The following NEK1 variants were observed in gnomAD, a reference collection of about 807,000 sequenced individuals.
NEK1 encodes serine/threonine-protein kinase Nek1.
In NEK1, 137 loss-of-function variants were observed where a neutral mutation model predicts 182.1. The ratio of observed to expected loss-of-function variants is 0.75; its 90% CI spans 0.65 to 0.87. The LOEUF is 0.87. Among genes scored for constraint, NEK1 ranks in the 40% least tolerant of loss-of-function variants. NEK1 has a pLI of 0.00. For missense variants in NEK1, 1,391 were observed against 1,494.4 expected (o/e 0.93, Z 1.14); for synonymous variants, 513 against 492.2 (o/e 1.04, Z -0.56).
intron 24 of NEK1, 71 bp from the exon 25 acceptor site, chr4:169,477,568 T>C: frequency 1.8e-6 from 2 of 1,125,888 alleles, no homozygotes; most frequent in Non-Finnish European, 2.5e-6. Context: ...AAATATTACA[T>C]CCTCGTTACT....
chr4:169,601,329 T>C (rs1770459861), intron 4 of NEK1, among the ~76,000 whole-genome samples: 1 of 152,156 alleles, frequency 6.6e-6, no homozygotes, highest in African/African-American at 2.4e-5. Context: ...AGAAATTAAG[T>C]TACAGAAATT....
chr4:169,459,058 C>T (rs914492411), intron 27 of NEK1, among the ~76,000 whole-genome samples: 1 of 151,586 alleles, frequency 6.6e-6, no homozygotes, highest in African/African-American at 2.4e-5. Context: ...AAAAAAAACC[C>T]AATCCAAAAC....
At chr4:169,567,127 T>C (rs1042333355) in intron 12 of NEK1, among the ~76,000 whole-genome samples, 24 of 152,160 alleles carry the variant, frequency 1.6e-4, no homozygotes, top group African/African-American at 5.6e-4. Context: ...AAACCTATAT[T>C]TACAATCATG....
intron 34 of NEK1, 75 bp downstream of exon 34, chr4:169,400,446 C>G (rs1442214037): frequency 6.8e-7 from 1 of 1,477,514 alleles, no homozygotes; most frequent in African/African-American, 1.4e-5. Flanking sequence ...ATCTAATGAC[C>G]AATACAGATT....
chr4:169,526,212 AGT>A (rs1416356675), intron 19 of NEK1, among the ~76,000 whole-genome samples: 3 of 152,230 alleles, frequency 2.0e-5, no homozygotes, highest in Non-Finnish European at 4.4e-5. Context: ...GCATGAGACC[AGT>A]CACAATGGGT....
intron 27 of NEK1, among the ~76,000 whole-genome samples, chr4:169,460,538 C>T (rs890443796): frequency 9.9e-5 from 15 of 151,776 alleles, no homozygotes; most frequent in African/African-American, 3.4e-4. Flanking sequence ...AGAGCCAAAC[C>T]ATATCACTAT....
At chr4:169,438,354 C>T (rs955704792) in intron 27 of NEK1, 95 bp from the exon 28 acceptor site, 6 of 856,998 alleles carry the variant, frequency 7.0e-6, no homozygotes, top group Non-Finnish European at 1.1e-5. Flanking sequence ...AGCTGCATTA[C>T]TGCAACAGGC....
chr4:169,576,201 G>A (rs1483556336), intron 12 of NEK1, among the ~76,000 whole-genome samples: 2 of 152,060 alleles, frequency 1.3e-5, no homozygotes, highest in Non-Finnish European at 2.9e-5. Context: ...CTGACCCCAA[G>A]TGACCCACCC....
In NEK1 at chr4:169,569,492, C is replaced by A. The variant is rs186807252; in HGVS notation, c.1021-7296G>T. On this transcript the variant is annotated intron_variant, in intron 12 of 35. Coordinates refer to ENST00000507142, the MANE Select transcript of NEK1 (RefSeq NM_001199397.3). ...CCTCCCTCTCTCCCTCTCTCCCTCT[C>A]CCCATGGTCTCCCTCTCCCTCTCTT... Among the ~76,000 whole-genome samples, 386 of 139,950 alleles carry A rather than the reference C, an allele frequency of 2.8e-3. 4 individuals are homozygous for A. Among genetic ancestry groups the A allele is most frequent in the Middle Eastern group, 3.6e-3 (1 of 280 alleles). The allele number at this position is 139,950 out of a possible 152,430, so 91.8% of individuals were successfully genotyped here.
At chr4:169,556,169 A>ACTGAGCCTCC in intron 16 of NEK1, 74 bp from the exon 17 acceptor site, 1 of 1,364,916 alleles carries the variant, frequency 7.3e-7, no homozygotes, top group South Asian at 1.5e-5. Flanking sequence ...CTCAAAAGAA[A>ACTGAGCCTCC]AAGTAAATTT....
intron 31 of NEK1, among the ~76,000 whole-genome samples, chr4:169,423,046 A>C (rs1432864225): frequency 6.6e-6 from 1 of 152,206 alleles, no homozygotes; most frequent in Non-Finnish European, 1.5e-5. Flanking sequence ...AGCATAAGAA[A>C]ATACTCCACA....
chr4:169,442,052 T>A (rs764569847), intron 27 of NEK1, among the ~76,000 whole-genome samples: 2 of 152,062 alleles, frequency 1.3e-5, no homozygotes, highest in Non-Finnish European at 2.9e-5. Flanking sequence ...CTGGTGCCCA[T>A]GAGTGCTGAT....
intron 23 of NEK1, 129 bp from the exon 24 acceptor site, chr4:169,479,663 T>A (rs1009140881): frequency 9.6e-6 from 7 of 732,912 alleles, no homozygotes; most frequent in Non-Finnish European, 1.5e-5. Flanking sequence ...GAATTATCTG[T>A]TGAGCAAGGC....
At chr4:169,449,246 C>A (rs1741229090) in intron 27 of NEK1, among the ~76,000 whole-genome samples, 2 of 152,224 alleles carry the variant, frequency 1.3e-5, no homozygotes, top group Non-Finnish European at 2.9e-5. Context: ...GAACAAAAGG[C>A]AGCAGACAAT....
chr4:169,599,882 T>G (rs889794895), intron 4 of NEK1, among the ~76,000 whole-genome samples: 1 of 152,156 alleles, frequency 6.6e-6, no homozygotes. Flanking sequence ...ACTTCTTTTT[T>G]TTATTTAGGC....
intron 4 of NEK1, 96 bp from the exon 5 acceptor site, chr4:169,599,293 T>G: frequency 2.4e-6 from 2 of 844,554 alleles, no homozygotes; most frequent in Non-Finnish European, 3.7e-6. Context: ...AAGCAGCTGC[T>G]GAACAAAAAA....
chr4:169,554,717 T>C (rs1580728564), intron 18 of NEK1: 2 of 152,306 alleles, frequency 1.3e-5, no homozygotes, highest in African/African-American at 4.8e-5. Flanking sequence ...CATTATTTTG[T>C]ATGATATTAC....
chr4:169,403,394 C>G (rs559202707), intron 32 of NEK1, among the ~76,000 whole-genome samples: 1 of 151,940 alleles, frequency 6.6e-6, no homozygotes, highest in South Asian at 2.1e-4. Context: ...ATAGCGAGAC[C>G]CCTCTAGAAA....
intron 12 of NEK1, among the ~76,000 whole-genome samples, chr4:169,572,725 G>C (rs986290639): frequency 2.0e-5 from 3 of 152,092 alleles, no homozygotes; most frequent in African/African-American, 7.2e-5. Flanking sequence ...TGTAATACCA[G>C]GGACTCAAAT....
Sources: allele counts gnomAD v4.1 joint callset (sites outside exome capture counted in the v4.1 genomes callset), GRCh38; gene constraint gnomAD v4.1.1; transcripts MANE v1.5; gene names NCBI Gene and HGNC (gene_info 2026-07-23, HGNC 2026-07-21).